The following KEAP1 variants were observed in gnomAD, a reference collection of about 807,000 sequenced individuals.
KEAP1 encodes the protein kelch-like ECH-associated protein 1.
KEAP1 carries 26 observed loss-of-function variants against 59.7 expected under a neutral mutation model. The observed-to-expected ratio is 0.44, with a 90% CI of 0.32 to 0.60. The LOEUF is 0.60. Among genes scored for constraint, KEAP1 ranks in the 20% least tolerant of loss-of-function variants. The pLI, the probability that KEAP1 is intolerant of heterozygous loss-of-function variation, is 0.06. For synonymous variants in KEAP1, 350 were observed against 358.3 expected (o/e 0.98, Z 0.26); for missense variants, 539 against 871.4 (o/e 0.62, Z 4.80).
chr19:10,500,210 T>C, intron 1 of KEAP1, 130 bp from the exon 2 acceptor site: 1 of 642,558 alleles, frequency 1.6e-6, no homozygotes, highest in East Asian at 2.8e-5. Context: ...AGAATCCATT[T>C]GCAAACTTGC....
rs201119783 is a variant in KEAP1, at chr19:10,491,750, G to A, written c.1152C>T (p.Pro384=). ...LYAVGGRNNS[P]DGNTDSSALD... ...GGGCGCTGGAGTCGGTGTTGCCGTC[G>A]GGCGAGTTGTTCCTGCCGCCCACGG... is the stretch of plus-strand genomic sequence containing the variant. Residue 384 remains proline (P), a synonymous_variant, in exon 3 of 6, where the codon CCC becomes CCT. Coordinates refer to ENST00000171111, the MANE Select transcript of KEAP1 (RefSeq NM_203500.2). This position sits in a 1 kb window ranked among gnomAD's most constrained non-coding sequence, Gnocchi z 5.2. The A allele has an allele frequency of 9.2e-5, 144 of 1,566,510 alleles. 1 individual carries two copies. In the East Asian group the frequency reaches 2.7e-3, roughly 30 times the overall value.
In KEAP1 at chr19:10,491,566, C is replaced by T. The variant is rs2144595963; in HGVS notation, c.1325+11G>A. On this transcript the variant is annotated intron_variant, in intron 3 of 5. Transcript: ENST00000171111. The surrounding 1 kb of genome is among the most constrained non-coding windows in gnomAD (Gnocchi z 5.2). ...GACCCTCCGAGCCCACCCCCAGGCC[C>T]TGCCACTCACCTCTCCACACTGTTG... The T allele has an allele frequency of 6.6e-7, 1 of 1,503,818 alleles. No homozygotes were observed. The highest frequency in any genetic ancestry group is 8.9e-7 in the Non-Finnish European group (1 of 1,126,586). 93.2% of individuals were successfully genotyped at this position (1,503,818 alleles called of 1,614,324 possible).
chr19:10,502,981 G>C lies in KEAP1; in HGVS notation c.-48+260C>G, dbSNP rs1915097117. 6.6e-6 allele frequency: 1 copy of C among 152,026 alleles called. No individual in the cohort carries two copies. The highest frequency in any genetic ancestry group is 1.5e-5 in the Non-Finnish European group (1 of 67,980). The allele number at this position is 152,026 out of a possible 1,614,324, so 9.4% of individuals were successfully genotyped here. A position where few individuals can be genotyped will look rare whatever the true frequency, so the allele number is the denominator to read the frequency against. On this transcript the variant is annotated intron_variant, in intron 1 of 5. Coordinates refer to ENST00000171111, the MANE Select transcript of KEAP1 (RefSeq NM_203500.2). This position sits in a 1 kb window ranked among gnomAD's most constrained non-coding sequence, Gnocchi z 4.0. ...CACGCGACCCTGAGCGCGCTTAGCC[G>C]CGTGGTCCGAGTCGCGGGGAGTCTG...
chr19:10,487,033 T>C (rs1349250938), intron 5 of KEAP1, among the ~76,000 whole-genome samples: 2 of 104,780 alleles, frequency 1.9e-5, no homozygotes, highest in Non-Finnish European at 3.6e-5. Context: ...CTTAGTCTCT[T>C]ACTAAAAAAA....
intron 5 of KEAP1, among the ~76,000 whole-genome samples, chr19:10,488,077 G>A (rs957261591): frequency 2.6e-5 from 4 of 151,832 alleles, no homozygotes; most frequent in Admixed American, 1.3e-4. Context: ...GCAGTGAGCC[G>A]AGATCGAGCC....
chr19:10,499,535 C>T lies in KEAP1; in HGVS notation c.499G>A (p.Val167Ile), dbSNP rs749396788. ...AGGAAGTCACTGCAGGCACGGACAA[C>T]GCTGTCGATCTGGTACATGACAGCA... ...NGAVMYQIDS[V>I]VRACSDFLVQ... Residue 167 changes from valine to isoleucine, a missense_variant, in exon 2 of 6, where the codon GTT (valine) becomes ATT (isoleucine). This residue lies in a region of KEAP1 where 166 missense variants were observed against 295.8 expected (regional missense o/e 0.56). Transcript: ENST00000171111. The surrounding 1 kb of genome is among the most constrained non-coding windows in gnomAD (Gnocchi z 6.7). 3.7e-6 allele frequency: 6 copies of T among 1,614,054 alleles called. No individual in the cohort carries two copies. Among genetic ancestry groups the T allele is most frequent in the African/African-American group, 1.3e-5 (1 of 74,942 alleles).
intron 1 of KEAP1, among the ~76,000 whole-genome samples, chr19:10,500,617 A>T (rs900813070): frequency 8.6e-5 from 13 of 152,004 alleles, no homozygotes; most frequent in African/African-American, 3.1e-4. Context: ...ACCTGGAAAA[A>T]CAGCTTCATG....
rs1042184497 is a variant in KEAP1, at chr19:10,493,100, A to G, written c.640-838T>C. ...AACCTCCGCCACCCAGGTTCAAGTGATTCTCCTGCCTCAGCCTCCCAAGTA... is the reference window on the plus strand; with the variant it reads ...AACCTCCGCCACCCAGGTTCAAGTGGTTCTCCTGCCTCAGCCTCCCAAGTA... On this transcript the variant is annotated intron_variant, in intron 2 of 5. Coordinates refer to ENST00000171111, the MANE Select transcript of KEAP1 (RefSeq NM_203500.2). Among the ~76,000 whole-genome samples, 4 of 151,512 alleles carry G rather than the reference A, an allele frequency of 2.6e-5. No homozygotes were observed. The Admixed American group carries it at 2.6e-4, about 10-fold the overall frequency.
chr19:10,494,133 G>A (rs1311416242), intron 2 of KEAP1, among the ~76,000 whole-genome samples: 3 of 151,386 alleles, frequency 2.0e-5, no homozygotes, highest in African/African-American at 4.9e-5. Flanking sequence ...TGGTAGAGAC[G>A]GGGTTTCACC....
At chr19:10,489,987 C>T (rs1030215943) in intron 3 of KEAP1, 134 bp from the exon 4 acceptor site, 3 of 861,288 alleles carry the variant, frequency 3.5e-6, no homozygotes, top group African/African-American at 3.4e-5. Context: ...CGCGATGGCT[C>T]ATGCCTGTAA....
chr19:10,492,302 A>AT, intron 2 of KEAP1, 40 bp from the exon 3 acceptor site: 1 of 1,485,024 alleles, frequency 6.7e-7, no homozygotes. Flanking sequence ...CTCTCCAGTC[A>AT]CCCCCACACC....
In KEAP1 at chr19:10,499,461, A is replaced by G. The variant is rs762997058; in HGVS notation, c.573T>C (p.Ala191=). The G allele has an allele frequency of 1.9e-6, 3 of 1,613,980 alleles. No individual in the cohort carries two copies. Among genetic ancestry groups the G allele is most frequent in the Admixed American group, 1.7e-5 (1 of 59,982 alleles). The part of the protein sequence containing the change: ...PSNAIGIANF[A]EQIGCVELHQ... ...GCAACTCCACACAGCCAATCTGCTCAGCGAAGTTGGCGATGCCGATGGCAT... is the reference window on the plus strand; with the variant it reads ...GCAACTCCACACAGCCAATCTGCTCGGCGAAGTTGGCGATGCCGATGGCAT... The change falls in exon 2 of 6, where the codon GCT becomes GCC. Residue 191 remains alanine (A), a synonymous_variant. Transcript: ENST00000171111. The surrounding 1 kb of genome is among the most constrained non-coding windows in gnomAD (Gnocchi z 6.7).
intron 5 of KEAP1, among the ~76,000 whole-genome samples, 189 bp from the exon 6 acceptor site, chr19:10,487,007 G>A (rs1198979238): frequency 6.7e-6 from 1 of 148,532 alleles, no homozygotes; most frequent in African/African-American, 2.5e-5. Context: ...AGCCAGCCTG[G>A]GCAACATAGC....
chr19:10,491,671 C>A lies in KEAP1; in HGVS notation c.1231G>T (p.Val411Leu), dbSNP rs2144597212. 6.3e-7 allele frequency: 1 copy of A among 1,585,784 alleles called. No homozygotes were observed. The highest frequency in any genetic ancestry group is 8.6e-7 in the Non-Finnish European group (1 of 1,167,352). The change falls in exon 3 of 6, where the codon GTG (valine) becomes TTG (leucine). Residue 411 changes from valine to leucine, a missense_variant. This residue lies in a region of KEAP1 where 311 missense variants were observed against 425.2 expected (regional missense o/e 0.73). Coordinates refer to ENST00000171111, the MANE Select transcript of KEAP1 (RefSeq NM_203500.2). This position sits in a 1 kb window ranked among gnomAD's most constrained non-coding sequence, Gnocchi z 5.2. ...CCCACCCCGATGCGGTTACGGGGCA[C>A]GCTCATGGGGGCGCAGGGCGACCAC... ...NQWSPCAPMS[V>L]PRNRIGVGVI... is the part of the protein sequence containing the mutation.
rs2144599007 is a variant in KEAP1, at chr19:10,491,798, G to A, written c.1104C>T (p.Cys368=). The change falls in exon 3 of 6, where the codon TGC becomes TGT. Residue 368 remains cysteine, a synonymous_variant. Transcript: ENST00000171111. This position sits in a 1 kb window ranked among gnomAD's most constrained non-coding sequence, Gnocchi z 5.2. ...CGGCGTACAACAGCCCGCCCACCAC[G>A]CAGCCGGCCAGGCCGCTCCGCGGCA... is the stretch of plus-strand genomic sequence containing the variant. ...LQVPRSGLAG[C]VVGGLLYAVG... is the part of the protein sequence containing the mutation. The A allele has an allele frequency of 1.2e-5, 19 of 1,591,134 alleles. No individual in the cohort carries two copies. The highest frequency in any genetic ancestry group is 1.5e-5 in the Non-Finnish European group (18 of 1,169,122).
At chr19:10,490,107 C>A (rs1305180592) in intron 3 of KEAP1, among the ~76,000 whole-genome samples, 1 of 151,860 alleles carries the variant, frequency 6.6e-6, no homozygotes, top group African/African-American at 2.4e-5. Flanking sequence ...CAAAAATTAG[C>A]TGGGTGTGAT....
intron 1 of KEAP1, among the ~76,000 whole-genome samples, chr19:10,500,294 C>T (rs775347234): frequency 6.6e-6 from 1 of 152,210 alleles, no homozygotes; most frequent in African/African-American, 2.4e-5. Context: ...ATGTCTCTCC[C>T]CTGCTCTGGA....
Position 10,499,851 on chromosome 19 carries a change from C to T in KEAP1, c.183G>A (p.Lys61=), listed in dbSNP as rs1310511831. ...TFSYTLEDHT[K]QAFGIMNELR... ...GCTCGTTCATGATGCCAAAGGCCTG[C>T]TTGGTATGATCCTCCAGGGTGTAGC... The change falls in exon 2 of 6, where the codon AAG becomes AAA. Residue 61 remains lysine, a synonymous_variant. Transcript: ENST00000171111. The surrounding 1 kb of genome is among the most constrained non-coding windows in gnomAD (Gnocchi z 6.7). 3 of 1,613,704 alleles carry T rather than the reference C, an allele frequency of 1.9e-6. No homozygotes were observed. The highest frequency in any genetic ancestry group is 2.5e-6 in the Non-Finnish European group (3 of 1,179,982).
chr19:10,494,366 T>C (rs1458449408), intron 2 of KEAP1, among the ~76,000 whole-genome samples: 10 of 145,766 alleles, frequency 6.9e-5, no homozygotes, highest in Non-Finnish European at 1.3e-4. Flanking sequence ...AGTCTCGCTC[T>C]GTCGCCCAGG....
Sources: gnomAD v4.1 joint callset for allele counts (sites outside exome capture counted in the v4.1 genomes callset) on GRCh38, gnomAD v4.1.1 for gene constraint, gnomAD v4.1.1 regional missense constraint, Gnocchi (gnomAD v3.1) non-coding constraint, MANE v1.5 for transcripts, NCBI Gene and HGNC (gene_info 2026-07-23, HGNC 2026-07-21) for gene names.